Variants in SLC35F4 observed in about 807,000 individuals in gnomAD.
SLC35F4 encodes the protein solute carrier family 35 member F4, also known as chromosome 14 open reading frame 36.
In SLC35F4, 24 loss-of-function variants were observed where a neutral mutation model predicts 44.2. That is an observed-to-expected ratio of 0.54 (90% CI 0.39 to 0.76). The LOEUF (loss-of-function observed/expected upper bound fraction) is 0.76, where lower values mean the gene tolerates loss of function less well. Ranked by LOEUF, SLC35F4 falls within the 30% of genes least tolerant of loss-of-function variation. SLC35F4 has a pLI of 0.00. For missense variants in SLC35F4, 562 were observed against 586.1 expected (o/e 0.96, Z 0.42); for synonymous variants, 238 against 223.6 (o/e 1.06, Z -0.57).
chr14:57,776,665 C>CAAAAAAAAAAAAAAAAAAAAAAA (rs57272978), intron 1 of SLC35F4, among the ~76,000 whole-genome samples: 3 of 72,070 alleles, frequency 4.2e-5, no homozygotes, highest in African/African-American at 1.4e-4. Flanking sequence ...GACTCCATCT[C>CAAAAAAAAAAAAAAAAAAAAAAA]AAAAAAAAAA....
chr14:57,944,741 AAGAAAGAAAG>A, intron 1 of SLC35F4, among the ~76,000 whole-genome samples: 1 of 148,640 alleles, frequency 6.7e-6, no homozygotes, highest in South Asian at 2.1e-4. Context: ...GAAAGAAAGA[AAGAAAGAAAG>A]AAGAAAGGAA....
chr14:57,973,918 TC>T (rs1881131216), downstream of SLC35F4, among the ~76,000 whole-genome samples: 1 of 144,644 alleles, frequency 6.9e-6, no homozygotes, highest in African/African-American at 2.9e-5. Context: ...CCCTCTGTCA[TC>T]TCCAACCCCA....
At chr14:57,972,880 G>A (rs986509563), downstream of SLC35F4, among the ~76,000 whole-genome samples, 18 of 152,314 alleles carry the variant, frequency 1.2e-4, no homozygotes, top group Admixed American at 3.3e-4. Flanking sequence ...CCTATACTTA[G>A]CCTTTGACAT....
At chr14:57,962,345 T>C (rs1890353920) in intron 1 of SLC35F4, among the ~76,000 whole-genome samples, 1 of 152,150 alleles carries the variant, frequency 6.6e-6, no homozygotes, top group Non-Finnish European at 1.5e-5. Flanking sequence ...TCCAGGAGGA[T>C]GTGGCCTGAC....
intron 1 of SLC35F4, among the ~76,000 whole-genome samples, chr14:57,952,453 A>C (rs549371137): frequency 1.5e-4 from 23 of 152,246 alleles, no homozygotes; most frequent in South Asian, 6.2e-4. Flanking sequence ...TAATTGGCAG[A>C]AGTAGGCTTC....
At chr14:57,593,253 T>C (rs2070301038) in intron 2 of SLC35F4, among the ~76,000 whole-genome samples, 1 of 152,202 alleles carries the variant, frequency 6.6e-6, no homozygotes, top group African/African-American at 2.4e-5. Flanking sequence ...GGCAATAAGA[T>C]GTCCACTACC....
Position 57,957,434 on chromosome 14 carries a change from C to CAAAA in SLC35F4, n.282+24475_282+24478dup, listed in dbSNP as rs59335089. On this transcript the variant is annotated intron_variant and non_coding_transcript_variant, in intron 1 of 1. Coordinates refer to the SLC35F4 transcript ENST00000556568. The stretch of plus-strand genomic sequence containing the variant: ...CACACGTACCCCAGAACTTAAAGTA[C>CAAAA]AAAAAAAAAACTGCAATGAATGGAT... Among the ~76,000 whole-genome samples the CAAAA allele has an allele frequency of 3.9e-3, 573 of 148,160 alleles. 1 individual carries two copies. Among genetic ancestry groups the CAAAA allele is most frequent in the African/African-American group, 0.013 (542 of 40,516 alleles).
At chr14:57,692,707 T>C (rs571036841) in intron 1 of SLC35F4, among the ~76,000 whole-genome samples, 10 of 152,252 alleles carry the variant, frequency 6.6e-5, no homozygotes, top group African/African-American at 2.2e-4. Flanking sequence ...TGTTAATCTG[T>C]AGTGAGGGAT....
intron 1 of SLC35F4, among the ~76,000 whole-genome samples, chr14:57,730,518 A>C (rs1434538052): frequency 6.6e-6 from 1 of 152,124 alleles, no homozygotes; most frequent in African/African-American, 2.4e-5. Flanking sequence ...CTTTGGGTCA[A>C]TCCTAGTCTA....
intron 1 of SLC35F4, among the ~76,000 whole-genome samples, chr14:57,752,455 T>A (rs1326714844): frequency 6.6e-6 from 1 of 150,606 alleles, no homozygotes; most frequent in Non-Finnish European, 1.5e-5. Flanking sequence ...TGAGGTTTTT[T>A]TTTTTCTTTT....
chr14:57,808,157 T>C (rs1881564228), intron 1 of SLC35F4, among the ~76,000 whole-genome samples: 1 of 151,898 alleles, frequency 6.6e-6, no homozygotes, highest in African/African-American at 2.4e-5. Flanking sequence ...TCAGGCACAA[T>C]TATAAATGCT....
chr14:57,727,793 T>G (rs1304470317), intron 1 of SLC35F4, among the ~76,000 whole-genome samples: 2 of 152,232 alleles, frequency 1.3e-5, no homozygotes, highest in Non-Finnish European at 2.9e-5. Flanking sequence ...ACTTGTTTAA[T>G]GACCTAACAT....
At chr14:57,730,041 T>G (rs867724854) in intron 1 of SLC35F4, among the ~76,000 whole-genome samples, 8 of 152,114 alleles carry the variant, frequency 5.3e-5, no homozygotes, top group Admixed American at 5.2e-4. Flanking sequence ...TCCCTCCCCA[T>G]AGGGCACAGA....
At chr14:57,781,621 T>C (rs574506792) in intron 1 of SLC35F4, among the ~76,000 whole-genome samples, 12 of 152,192 alleles carry the variant, frequency 7.9e-5, no homozygotes, top group Admixed American at 3.3e-4. Flanking sequence ...CATATGTTCA[T>C]TGTAGTATTA....
rs79992823 is a variant in SLC35F4, at chr14:57,693,893, C to T, written c.104-99769G>A. ...AATCAGAATTTGAGCACGTATCAGACGAATATATTTTCCCAAGAATTCTAA... is the reference window on the plus strand; with the variant it reads ...AATCAGAATTTGAGCACGTATCAGATGAATATATTTTCCCAAGAATTCTAA... On this transcript the variant is annotated intron_variant, in intron 1 of 7. Coordinates refer to ENST00000556826, the MANE Select transcript of SLC35F4 (RefSeq NM_001306087.2). 8.5e-3 allele frequency among the ~76,000 whole-genome samples: 1,297 copies of T among 152,210 alleles called. 7 individuals are homozygous for T. Among genetic ancestry groups the T allele is most frequent in the Non-Finnish European group, 0.013 (902 of 68,002 alleles).
In SLC35F4 at chr14:57,945,878, G is replaced by A. The variant is rs1389268981; in HGVS notation, n.282+36035C>T. Among the ~76,000 whole-genome samples, 3 of 152,144 alleles carry A rather than the reference G, an allele frequency of 2.0e-5. No individual in the cohort carries two copies. In the East Asian group the frequency reaches 5.8e-4, roughly 29 times the overall value. ...TTGCATTTACCTGATGATTAGTGAT[G>A]TTGAGTATTTTTTCATATGTCTGTT... is the stretch of plus-strand genomic sequence containing the variant. On this transcript the variant is annotated intron_variant and non_coding_transcript_variant, in intron 1 of 1. Coordinates refer to the SLC35F4 transcript ENST00000556568.
intron 4 of SLC35F4, among the ~76,000 whole-genome samples, chr14:57,573,254 C>A (rs2139720339): frequency 6.6e-6 from 1 of 152,174 alleles, no homozygotes; most frequent in South Asian, 2.1e-4. Context: ...TGTTAGTGGC[C>A]ACCAAAAGCA....
At chr14:57,817,886 T>G (rs1882778512) in intron 1 of SLC35F4, among the ~76,000 whole-genome samples, 1 of 152,134 alleles carries the variant, frequency 6.6e-6, no homozygotes, top group Non-Finnish European at 1.5e-5. Flanking sequence ...ATTTAAGTGC[T>G]GCTGGAGAAC....
At chr14:57,628,961 A>G (rs369928617) in intron 1 of SLC35F4, among the ~76,000 whole-genome samples, 27 of 152,292 alleles carry the variant, frequency 1.8e-4, no homozygotes, top group East Asian at 9.7e-4. Context: ...CAGTGATGAT[A>G]ACAGCACAAG....
Sources: gnomAD v4.1 joint callset for allele counts (sites outside exome capture counted in the v4.1 genomes callset) on GRCh38, gnomAD v4.1.1 for gene constraint, MANE v1.5 for transcripts, NCBI Gene and HGNC (gene_info 2026-07-23, HGNC 2026-07-21) for gene names.